The following ISM1 variants were observed in gnomAD, a reference collection of about 807,000 sequenced individuals.
The protein encoded by ISM1 is isthmin-1.
In ISM1, 25 loss-of-function variants were observed where a neutral mutation model predicts 46.3. The observed-to-expected ratio is 0.54, with a 90% confidence interval of 0.39 to 0.75. The LOEUF (loss-of-function observed/expected upper bound fraction) is 0.75. ISM1 is among the 30% of genes least tolerant of loss of function. The pLI is 0.00. For synonymous variants in ISM1, 255 were observed against 256.7 expected, an observed-to-expected ratio of 0.99 and a Z score of 0.06; for missense variants, 536 against 625.4, an observed-to-expected ratio of 0.86 and a Z score of 1.52.
Position 13,299,484 on chromosome 20 carries a change from G to C in ISM1, c.*25G>C. 4 of 1,570,484 alleles carry C rather than the reference G, an allele frequency of 2.5e-6. No individual in the cohort carries two copies. In the Admixed American group the frequency reaches 6.8e-5, roughly 27 times the overall value. Reference sequence around the variant, plus strand: ...AAGAGACTGGGATGAGGTGGAGGACGCTGCCTCTGGTTCTGGAGCACACAC... The same window carrying C: ...AAGAGACTGGGATGAGGTGGAGGACCCTGCCTCTGGTTCTGGAGCACACAC... On this transcript the variant is annotated 3_prime_UTR_variant, in exon 6 of 6. Transcript: ENST00000262487. The surrounding 1 kb of genome is among the most constrained non-coding windows in gnomAD (Gnocchi z 5.8).
intron 1 of ISM1, among the ~76,000 whole-genome samples, chr20:13,224,587 ATTGTTT>A (rs2039492081): frequency 6.6e-6 from 1 of 152,136 alleles, no homozygotes; most frequent in African/African-American, 2.4e-5. Flanking sequence ...CATCATTTTT[ATTGTTT>A]TTATCTCTGT....
At chr20:13,261,440 GA>G (rs1170590280) in intron 1 of ISM1, among the ~76,000 whole-genome samples, 1 of 149,012 alleles carries the variant, frequency 6.7e-6, no homozygotes, top group Non-Finnish European at 1.5e-5. Flanking sequence ...AAAAAAAAAA[GA>G]AAAAAGAAGC....
intron 1 of ISM1, among the ~76,000 whole-genome samples, chr20:13,246,743 G>C (rs79101782): frequency 0.036 from 5,520 of 152,242 alleles, 168 homozygotes; most frequent in African/African-American, 0.077. Flanking sequence ...CTTATAAGAA[G>C]AAAGTAACTG....
chr20:13,310,040 A>G, the ISM1 span, among the ~76,000 whole-genome samples: 1 of 152,222 alleles, frequency 6.6e-6, no homozygotes, highest in Non-Finnish European at 1.5e-5. Flanking sequence ...AATTCGATGC[A>G]ATCCCTAACA....
At chr20:13,311,243 T>TAGATAGATAGATAGATGATTGATA in the ISM1 span, among the ~76,000 whole-genome samples, 1 of 127,924 alleles carries the variant, frequency 7.8e-6, no homozygotes, top group African/African-American at 2.9e-5. Context: ...GATAGATAGA[T>TAGATAGATAGATAGATGATTGATA]GATAGATAGA....
At chr20:13,254,768 C>G (rs1326890395) in intron 1 of ISM1, among the ~76,000 whole-genome samples, 2 of 152,244 alleles carry the variant, frequency 1.3e-5, no homozygotes, top group African/African-American at 2.4e-5. Flanking sequence ...AGAACTTTTC[C>G]ACCTCTGCCA....
At chr20:13,284,219 G>C (rs190009516) in intron 3 of ISM1, among the ~76,000 whole-genome samples, 1 of 152,196 alleles carries the variant, frequency 6.6e-6, no homozygotes, top group Non-Finnish European at 1.5e-5. Flanking sequence ...AGGTTTACTA[G>C]TGGCCAAGTC....
intron 5 of ISM1, among the ~76,000 whole-genome samples, chr20:13,296,226 G>T (rs1292178611): frequency 6.6e-6 from 1 of 152,092 alleles, no homozygotes; most frequent in Non-Finnish European, 1.5e-5. Flanking sequence ...ACCTCCAACT[G>T]GCAACCCCTC....
chr20:13,317,979 G>A, the ISM1 span, among the ~76,000 whole-genome samples: 1 of 151,882 alleles, frequency 6.6e-6, no homozygotes, highest in Non-Finnish European at 1.5e-5. Context: ...TTTGTTCTGT[G>A]AAAGACACTG....
At chr20:13,257,359 A>G (rs1205937970) in intron 1 of ISM1, among the ~76,000 whole-genome samples, 1 of 152,162 alleles carries the variant, frequency 6.6e-6, no homozygotes, top group Non-Finnish European at 1.5e-5. Flanking sequence ...TACTAAAAAT[A>G]CAAAAAAATT....
intron 1 of ISM1, among the ~76,000 whole-genome samples, chr20:13,254,519 C>G (rs2039904706): frequency 6.6e-6 from 1 of 152,204 alleles, no homozygotes; most frequent in Non-Finnish European, 1.5e-5. Flanking sequence ...CTGCTGCTCT[C>G]TGTTGCTTTG....
chr20:13,297,986 G>A (rs2123335472), intron 5 of ISM1, among the ~76,000 whole-genome samples: 1 of 152,278 alleles, frequency 6.6e-6, no homozygotes, highest in South Asian at 2.1e-4. Flanking sequence ...TTAAGAGGCT[G>A]GGGGAACCAG....
At position 13,299,630 on chromosome 20, in the gene ISM1, C is replaced by A; in HGVS notation, c.*171C>A. 1 of 678,494 alleles carries A rather than the reference C, an allele frequency of 1.5e-6. No individual in the cohort carries two copies. Among genetic ancestry groups the A allele is most frequent in the Non-Finnish European group, 2.4e-6 (1 of 421,668 alleles). 42.0% of individuals were successfully genotyped at this position (678,494 alleles called of 1,614,324 possible). A position where few individuals can be genotyped will look rare whatever the true frequency, so the allele number is the denominator to read the frequency against. On this transcript the variant is annotated 3_prime_UTR_variant, in exon 6 of 6. Coordinates refer to ENST00000262487, the MANE Select transcript of ISM1 (RefSeq NM_080826.2). The surrounding 1 kb of genome is among the most constrained non-coding windows in gnomAD (Gnocchi z 5.8). ...AGGGGCGTGTGCCACGCCCAGGGGA[C>A]TGCCTTGTGAAGCCGCCCTCGCCAT...
At chr20:13,280,535 G>T (rs147607595) in intron 3 of ISM1, among the ~76,000 whole-genome samples, 4 of 152,304 alleles carry the variant, frequency 2.6e-5, no homozygotes, top group Admixed American at 2.6e-4. Flanking sequence ...TTGGGTAGGA[G>T]AACTCAGCTC....
rs2040438915 is a variant in ISM1 at position 13,299,450 on chromosome 20, G to A, written c.1386G>A (p.Arg462=). 6.3e-7 allele frequency: 1 copy of A among 1,599,116 alleles called. No individual in the cohort carries two copies. The change falls in exon 6 of 6, where the codon AGG becomes AGA. Residue 462 remains arginine, a synonymous_variant. Transcript: ENST00000262487. This position sits in a 1 kb window ranked among gnomAD's most constrained non-coding sequence, Gnocchi z 5.8. ...ACATCAAGCAGTTCCAAGAGGCCAG[G>A]GAATATTAAAGAGACTGGGATGAGG... ...EDYIKQFQEA[R]EY
At chr20:13,263,271 G>GA (rs1264430097) in intron 1 of ISM1, among the ~76,000 whole-genome samples, 1 of 152,142 alleles carries the variant, frequency 6.6e-6, no homozygotes, top group African/African-American at 2.4e-5. Flanking sequence ...TCACAGTGCA[G>GA]TTTTTCCCCA....
At chr20:13,309,752 T>C in the ISM1 span, among the ~76,000 whole-genome samples, 1 of 152,018 alleles carries the variant, frequency 6.6e-6, no homozygotes, top group African/African-American at 2.4e-5. Context: ...AGTAAAGTCA[T>C]AGGATACAAA....
chr20:13,279,569 C>T, intron 2 of ISM1, 65 bp from the exon 3 acceptor site: 1 of 1,504,812 alleles, frequency 6.6e-7, no homozygotes, highest in East Asian at 2.4e-5. Context: ...GACTTTCTTC[C>T]AAGGGTCATG....
chr20:13,272,625 T>C (rs1394149400), intron 2 of ISM1, among the ~76,000 whole-genome samples: 2 of 152,214 alleles, frequency 1.3e-5, no homozygotes, highest in African/African-American at 4.8e-5. Context: ...CAGAAATCAC[T>C]ACAAGCCCCA....
Sources: allele counts gnomAD v4.1 joint callset (sites outside exome capture counted in the v4.1 genomes callset), GRCh38; gene constraint gnomAD v4.1.1; non-coding constraint Gnocchi (gnomAD v3.1); transcripts MANE v1.5; gene names NCBI Gene and HGNC (gene_info 2026-07-23, HGNC 2026-07-21).